KLHL32: variants seen among roughly 807,000 people sequenced by gnomAD.
The protein encoded by KLHL32 is kelch like family member 32, also known as kelch-like protein 32.
Under a neutral mutation model 64.8 loss-of-function variants are expected in KLHL32, and 35 were observed. The ratio of observed to expected loss-of-function variants is 0.54; its 90% CI spans 0.41 to 0.72. The LOEUF (loss-of-function observed/expected upper bound fraction) is 0.72, where lower values mean the gene tolerates loss of function less well. Ranked by LOEUF, KLHL32 falls within the 30% of genes least tolerant of loss-of-function variation. KLHL32 has a pLI of 0.00. For synonymous variants in KLHL32, 259 were observed against 281.0 expected (o/e 0.92, Z 0.78); for missense variants, 589 against 768.5 (o/e 0.77, Z 2.76).
At chr6:96,968,995 G>A (rs1413161870) in intron 2 of KLHL32, among the ~76,000 whole-genome samples, 2 of 152,178 alleles carry the variant, frequency 1.3e-5, no homozygotes, top group African/African-American at 2.4e-5. Context: ...TTCTGAAGAT[G>A]ATGCCCTTTA....
Position 97,085,279 on chromosome 6 carries a change from C to T in KLHL32, c.565C>T (p.Leu189=), listed in dbSNP as rs1793229090. 1 of 1,613,668 alleles carries T rather than the reference C, an allele frequency of 6.2e-7. No homozygotes were observed. The highest frequency in any genetic ancestry group is 8.5e-7 in the Non-Finnish European group (1 of 1,180,044). ...AGAAGTTCTAACGCTTCCCTATTGC[C>T]TGCTTCAGGAGGTGCTGAAGAGCGA... ...PEEVLTLPYC[L]LQEVLKSDRL... is the part of the protein sequence containing the mutation. The change falls in exon 6 of 11, where the codon CTG becomes TTG. Residue 189 remains leucine, a synonymous_variant. Transcript: ENST00000369261.
At chr6:96,918,571 G>A in the KLHL32 span, among the ~76,000 whole-genome samples, 1 of 152,096 alleles carries the variant, frequency 6.6e-6, no homozygotes, top group African/African-American at 2.4e-5. Context: ...TGAACTTTCT[G>A]TGAAAATTGA....
intron 1 of KLHL32, among the ~76,000 whole-genome samples, chr6:96,948,007 G>A (rs1452090067): frequency 6.6e-6 from 1 of 152,092 alleles, no homozygotes; most frequent in Non-Finnish European, 1.5e-5. Context: ...TAAATGTTTG[G>A]TTTGGCTAGA....
At chr6:97,037,805 T>A (rs1461193897) in intron 3 of KLHL32, among the ~76,000 whole-genome samples, 1 of 152,176 alleles carries the variant, frequency 6.6e-6, no homozygotes, top group Non-Finnish European at 1.5e-5. Flanking sequence ...ATTAGCCTGG[T>A]ACTGGCATAA....
At chr6:97,014,033 G>A (rs1408563958) in intron 3 of KLHL32, among the ~76,000 whole-genome samples, 7 of 152,040 alleles carry the variant, frequency 4.6e-5, no homozygotes, top group Non-Finnish European at 8.8e-5. Context: ...TTGGCCGGGC[G>A]CCGTGGCTCA....
chr6:97,000,817 G>A (rs1778937066), intron 3 of KLHL32, among the ~76,000 whole-genome samples: 1 of 152,148 alleles, frequency 6.6e-6, no homozygotes, highest in Admixed American at 6.5e-5. Flanking sequence ...GGTAAACTAT[G>A]CTATATTCAT....
intron 3 of KLHL32, among the ~76,000 whole-genome samples, chr6:96,987,043 A>G (rs930900293): frequency 2.6e-5 from 4 of 152,120 alleles, no homozygotes; most frequent in Admixed American, 1.3e-4. Flanking sequence ...TTTCTATGGG[A>G]TCAGTGGTGA....
At chr6:96,990,674 T>C (rs1396181402) in intron 3 of KLHL32, among the ~76,000 whole-genome samples, 1 of 151,120 alleles carries the variant, frequency 6.6e-6, no homozygotes, top group African/African-American at 2.4e-5. Context: ...CTCTTGGGGC[T>C]CCAGCCCAGA....
At chr6:97,025,160 A>G in intron 3 of KLHL32, 1 of 964,824 alleles carries the variant, frequency 1.0e-6, no homozygotes, top group Non-Finnish European at 1.2e-6. Flanking sequence ...GGTATAAAGA[A>G]TTATTGGAAT....
At chr6:97,086,365 T>C (rs1793413060) in intron 6 of KLHL32, among the ~76,000 whole-genome samples, 1 of 152,206 alleles carries the variant, frequency 6.6e-6, no homozygotes, top group Non-Finnish European at 1.5e-5. Flanking sequence ...ATTTCATTAT[T>C]TGTGTTACTT....
chr6:96,987,336 T>C lies in KLHL32; in HGVS notation c.204+11159T>C, dbSNP rs550409089. Among the ~76,000 whole-genome samples, 13 of 152,326 alleles carry C rather than the reference T, an allele frequency of 8.5e-5. No individual in the cohort carries two copies. In the South Asian group the frequency reaches 2.5e-3, roughly 29 times the overall value. Reference sequence around the variant, plus strand: ...ATTTTAGATCTCTCCTGCTTTCTCTTGTGGGCATTTAGTGGTATAAATTTC... The same window carrying C: ...ATTTTAGATCTCTCCTGCTTTCTCTCGTGGGCATTTAGTGGTATAAATTTC... On this transcript the variant is annotated intron_variant, in intron 3 of 10. Transcript: ENST00000369261.
At chr6:97,022,717 G>A (rs1418359941) in intron 3 of KLHL32, among the ~76,000 whole-genome samples, 3 of 152,082 alleles carry the variant, frequency 2.0e-5, no homozygotes, top group Admixed American at 6.5e-5. Flanking sequence ...TGATCCATTG[G>A]CCTCAGCCTC....
At chr6:97,018,911 TCTGAAA>T (rs1411321742) in intron 3 of KLHL32, among the ~76,000 whole-genome samples, 9 of 152,242 alleles carry the variant, frequency 5.9e-5, no homozygotes, top group African/African-American at 2.2e-4. Context: ...CATTCTTCTC[TCTGAAA>T]CTGACAGATC....
chr6:96,905,548 T>C, the KLHL32 span, among the ~76,000 whole-genome samples: 1 of 152,238 alleles, frequency 6.6e-6, no homozygotes, highest in African/African-American at 2.4e-5. Context: ...AATTTTGTGG[T>C]AAGCTCCTTA....
At position 97,102,791 on chromosome 6, in the gene KLHL32, T is replaced by C. The variant is rs547772363; in HGVS notation, c.628-10992T>C. ...ATTGTCCTGTAGGACATTTTCGCCA[T>C]TTAAAAGTTTTGTATATACTAGATA... On this transcript the variant is annotated intron_variant, in intron 6 of 10. Coordinates refer to ENST00000369261, the MANE Select transcript of KLHL32 (RefSeq NM_052904.4). Among the ~76,000 whole-genome samples, 3 of 152,238 alleles carry C rather than the reference T, an allele frequency of 2.0e-5. No homozygotes were observed. In the South Asian group the frequency reaches 6.2e-4, roughly 32 times the overall value.
chr6:96,925,725 C>T (rs1175886814), intron 1 of KLHL32, among the ~76,000 whole-genome samples: 1 of 152,170 alleles, frequency 6.6e-6, no homozygotes, highest in South Asian at 2.1e-4. Flanking sequence ...GAATTCGTAA[C>T]GTAAGAAGGT....
chr6:96,979,394 T>C (rs1305000332), intron 3 of KLHL32, among the ~76,000 whole-genome samples: 1 of 151,834 alleles, frequency 6.6e-6, no homozygotes, highest in African/African-American at 2.4e-5. Context: ...TTATTGAATT[T>C]GGTCTTTTCC....
At chr6:96,924,059 A>G (rs115445394), upstream of KLHL32, among the ~76,000 whole-genome samples, 1,468 of 152,260 alleles carry the variant, frequency 9.6e-3, 35 homozygotes, top group African/African-American at 0.034. Flanking sequence ...CTCATTTCTC[A>G]GGCTTGGGGA....
the KLHL32 span, among the ~76,000 whole-genome samples, chr6:96,913,968 C>T: frequency 1.3e-5 from 2 of 152,118 alleles, no homozygotes; most frequent in African/African-American, 4.8e-5. Flanking sequence ...AGAGGTTATC[C>T]TGGATTATCC....
Sources: gnomAD v4.1 joint callset for allele counts (sites outside exome capture counted in the v4.1 genomes callset) on GRCh38, gnomAD v4.1.1 for gene constraint, MANE v1.5 for transcripts, NCBI Gene and HGNC (gene_info 2026-07-23, HGNC 2026-07-21) for gene names.